C17orf67: variants seen among roughly 807,000 people sequenced by gnomAD.
C17orf67 encodes the protein chromosome 17 open reading frame 67.
C17orf67 carries 12 observed loss-of-function variants against 11.2 expected under a neutral mutation model. That is an observed-to-expected ratio of 1.07 (90% CI 0.68 to 1.73). C17orf67 has a LOEUF of 1.73. Among genes scored for constraint, C17orf67 ranks in the 40% most tolerant of loss-of-function variants. The pLI is 0.00. For missense variants in C17orf67, 115 were observed against 113.5 expected, an observed-to-expected ratio of 1.01 and a Z score of -0.06; for synonymous variants, 59 against 46.9, an observed-to-expected ratio of 1.26 and a Z score of -1.05.
At chr17:56,797,436 T>A (rs1905233615) in intron 6 of C17orf67, among the ~76,000 whole-genome samples, 1 of 151,916 alleles carries the variant, frequency 6.6e-6, no homozygotes, top group African/African-American at 2.4e-5. Flanking sequence ...CCCCTCAATA[T>A]CCTGCAGGGC....
intron 4 of C17orf67, among the ~76,000 whole-genome samples, chr17:56,817,719 T>C (rs867999826): frequency 6.6e-6 from 1 of 152,098 alleles, no homozygotes; most frequent in South Asian, 2.1e-4. Context: ...CCTCCCAAAG[T>C]GCTGGAATTA....
intron 2 of C17orf67, among the ~76,000 whole-genome samples, chr17:56,828,525 T>C (rs1270452506): frequency 6.6e-6 from 1 of 152,218 alleles, no homozygotes; most frequent in Admixed American, 6.5e-5. Flanking sequence ...CAAAACTTTT[T>C]TGATGTTGTT....
chr17:56,833,792 C>A lies in C17orf67; in HGVS notation c.-1176G>T, dbSNP rs891649718. The A allele has an allele frequency of 6.6e-6, 1 of 151,992 alleles. No homozygotes were observed. Among genetic ancestry groups the A allele is most frequent in the African/African-American group, 2.4e-5 (1 of 41,508 alleles). The allele number at this position is 151,992 out of a possible 1,614,324, so 9.4% of individuals were successfully genotyped here. On this transcript the variant is annotated 5_prime_UTR_variant, in exon 1 of 8. Transcript: ENST00000397861. ...GCGGGCGTGAGCGCGGCCCCTGGGC[C>A]CCGCGCGGCGCGGTGCTGCGAGGAG...
intron 6 of C17orf67, among the ~76,000 whole-genome samples, chr17:56,805,683 C>A (rs2144122447): frequency 6.6e-6 from 1 of 151,766 alleles, no homozygotes; most frequent in South Asian, 2.1e-4. Flanking sequence ...CGGAATATAC[C>A]CATAGAAAAT....
intron 4 of C17orf67, among the ~76,000 whole-genome samples, chr17:56,818,190 C>T (rs1010541115): frequency 6.6e-6 from 1 of 151,766 alleles, no homozygotes; most frequent in African/African-American, 2.4e-5. Context: ...AAAATTGTCA[C>T]GTTAAACAGC....
intron 6 of C17orf67, chr17:56,804,024 G>T (rs1230759382): frequency 6.6e-6 from 1 of 152,186 alleles, no homozygotes; most frequent in African/African-American, 2.4e-5. Context: ...AATGTTCCTG[G>T]ACCAAGGAAG....
At position 56,795,023 on chromosome 17, in the gene C17orf67, G is replaced by A. The variant is rs561905613; in HGVS notation, c.*20+21C>T. 9.9e-5 allele frequency: 152 copies of A among 1,542,516 alleles called. 1 individual carries two copies. In the East Asian group the frequency reaches 1.9e-3, roughly 19 times the overall value. On this transcript the variant is annotated intron_variant, in intron 7 of 7. Transcript: ENST00000397861. The stretch of plus-strand genomic sequence containing the variant: ...CCACCACTCCCTCAGACAGAGGTCC[G>A]GGAGAGAGAAGGAGACGTACCGAGG...
intron 7 of C17orf67, among the ~76,000 whole-genome samples, chr17:56,793,117 C>T (rs1905148666): frequency 6.6e-6 from 1 of 152,008 alleles, no homozygotes; most frequent in South Asian, 2.1e-4. Context: ...CTATCATTTT[C>T]TGAGCACTTC....
At chr17:56,822,183 T>C (rs78187912) in intron 4 of C17orf67, among the ~76,000 whole-genome samples, 1 of 152,248 alleles carries the variant, frequency 6.6e-6, no homozygotes, top group Non-Finnish European at 1.5e-5. Context: ...GTGGTTTGTT[T>C]CATAGCATTA....
At chr17:56,831,782 AC>A (rs1458120281) in intron 2 of C17orf67, among the ~76,000 whole-genome samples, 2 of 152,180 alleles carry the variant, frequency 1.3e-5, no homozygotes, top group Non-Finnish European at 2.9e-5. Flanking sequence ...CCATGTACAT[AC>A]GTACGACTGA....
Position 56,807,683 on chromosome 17 carries a change from A to G in C17orf67, c.156+7186T>C, listed in dbSNP as rs1384807080. 2.0e-5 allele frequency among the ~76,000 whole-genome samples: 3 copies of G among 152,182 alleles called. No individual in the cohort carries two copies. In the East Asian group the frequency reaches 5.8e-4, roughly 29 times the overall value. On this transcript the variant is annotated intron_variant, in intron 6 of 7. Coordinates refer to ENST00000397861, the MANE Select transcript of C17orf67 (RefSeq NM_001085430.4). ...CTAGCCCTTCTTTTCGCACAGCCTG[A>G]TCTTCATTAATTTCTCCCCAAACAG...
intron 6 of C17orf67, among the ~76,000 whole-genome samples, chr17:56,811,799 A>T (rs927997546): frequency 6.6e-6 from 1 of 152,240 alleles, no homozygotes; most frequent in African/African-American, 2.4e-5. Flanking sequence ...TTGTCTAAAC[A>T]ACTAAGATAC....
At chr17:56,794,288 A>T (rs1050525398) in intron 7 of C17orf67, among the ~76,000 whole-genome samples, 8 of 152,224 alleles carry the variant, frequency 5.3e-5, no homozygotes, top group African/African-American at 1.9e-4. Context: ...TTAACCACAA[A>T]GATAAACTAC....
intron 6 of C17orf67, among the ~76,000 whole-genome samples, chr17:56,799,540 G>A (rs576606110): frequency 6.6e-6 from 1 of 152,326 alleles, no homozygotes; most frequent in African/African-American, 2.4e-5. Context: ...ATAAACATCT[G>A]GGGGCAGGTT....
chr17:56,801,484 G>T (rs1332960493), intron 6 of C17orf67, among the ~76,000 whole-genome samples: 1 of 152,118 alleles, frequency 6.6e-6, no homozygotes, highest in Non-Finnish European at 1.5e-5. Context: ...AAAAGAATGT[G>T]CAAAGGAAGG....
intron 4 of C17orf67, among the ~76,000 whole-genome samples, chr17:56,816,366 G>A (rs1905761768): frequency 6.6e-6 from 1 of 152,140 alleles, no homozygotes; most frequent in Non-Finnish European, 1.5e-5. Context: ...ATTTTTTCTA[G>A]CAATGTAGCC....
chr17:56,802,829 GA>G, intron 6 of C17orf67, among the ~76,000 whole-genome samples: 1 of 152,352 alleles, frequency 6.6e-6, no homozygotes, highest in African/African-American at 2.4e-5. Flanking sequence ...TTCAAAGCGT[GA>G]GCTGTGCTCC....
chr17:56,831,784 G>C (rs1037845779), intron 2 of C17orf67, among the ~76,000 whole-genome samples: 1 of 152,074 alleles, frequency 6.6e-6, no homozygotes, highest in Non-Finnish European at 1.5e-5. Context: ...ATGTACATAC[G>C]TACGACTGAT....
intron 2 of C17orf67, among the ~76,000 whole-genome samples, chr17:56,828,273 C>T (rs533570307): frequency 1.3e-5 from 2 of 152,028 alleles, no homozygotes; most frequent in East Asian, 1.9e-4. Context: ...GACGTGGTGG[C>T]GCATGCGTGT....
Sources: allele counts gnomAD v4.1 joint callset (sites outside exome capture counted in the v4.1 genomes callset), GRCh38; gene constraint gnomAD v4.1.1; transcripts MANE v1.5; gene names NCBI Gene and HGNC (gene_info 2026-07-23, HGNC 2026-07-21).